Variants in NLRP14 observed in about 807,000 individuals in gnomAD.
NLRP14 encodes NLR family pyrin domain containing 14, also known as NACHT, LRR and PYD domains-containing protein 14.
In NLRP14, 105 loss-of-function variants were observed where a neutral mutation model predicts 94.7. The ratio of observed to expected loss-of-function variants is 1.11; its 90% CI spans 0.95 to 1.30. The LOEUF is 1.30. Ranked by LOEUF, NLRP14 falls within the 50% of genes most tolerant of loss-of-function variation. The pLI is 0.00. For synonymous variants in NLRP14, 508 were observed against 459.9 expected, an observed-to-expected ratio of 1.10 and a Z score of -1.34; for missense variants, 1,362 against 1,254.1, an observed-to-expected ratio of 1.09 and a Z score of -1.30.
At chr11:7,055,039 A>G (rs1852498563) in intron 6 of NLRP14, among the ~76,000 whole-genome samples, 1 of 152,176 alleles carries the variant, frequency 6.6e-6, no homozygotes, top group Non-Finnish European at 1.5e-5. Context: ...CAGTTTTCCC[A>G]GCACCATTTA....
At chr11:7,089,598 C>A in the NLRP14 span, 4 of 1,187,992 alleles carry the variant, frequency 3.4e-6, no homozygotes, top group Non-Finnish European at 4.2e-6. Context: ...GGTCGGCCCA[C>A]CCCCCAAGAG....
chr11:7,076,975 G>A, the NLRP14 span, among the ~76,000 whole-genome samples: 2 of 152,216 alleles, frequency 1.3e-5, no homozygotes, highest in Non-Finnish European at 2.9e-5. Context: ...ACTCGGTGAA[G>A]ATAGGTGATC....
At position 7,043,145 on chromosome 11, in the gene NLRP14, G is replaced by T. The variant is rs756470257; in HGVS notation, c.1119G>T (p.Trp373Cys). Residue 373 changes from tryptophan (W) to cysteine (C), a missense_variant, in exon 4 of 12, where the codon TGG becomes TGT. Trp to Cys is a radical substitution (Grantham distance 215). Transcript: ENST00000299481. The part of the protein sequence containing the change: ...FSMCQVPLVC[W>C]AACTCLKQQM... ...TGTGCCAAGTCCCCCTAGTGTGCTG[G>T]GCCGCTTGTACTTGTCTGAAGCAGC... 64 of 1,613,968 alleles carry T rather than the reference G, an allele frequency of 4.0e-5. No homozygotes were observed. The highest frequency in any genetic ancestry group is 5.3e-5 in the Non-Finnish European group (63 of 1,180,026).
intron 4 of NLRP14, 142 bp from the exon 5 acceptor site, chr11:7,046,526 G>A: frequency 1.3e-6 from 1 of 754,308 alleles, no homozygotes; most frequent in South Asian, 1.5e-5. Context: ...CTTCCTGGTG[G>A]ACTGTGCCCA....
At chr11:7,080,406 A>G in the NLRP14 span, among the ~76,000 whole-genome samples, 1 of 152,246 alleles carries the variant, frequency 6.6e-6, no homozygotes, top group African/African-American at 2.4e-5. Flanking sequence ...TCAATAATTC[A>G]TTACAACCAT....
chr11:7,071,115 A>G, intron 11 of NLRP14, 58 bp from the exon 12 acceptor site: 7 of 1,594,272 alleles, frequency 4.4e-6, no homozygotes, highest in Non-Finnish European at 6.0e-6. Flanking sequence ...TTACAGAGAA[A>G]GTGGAGGGCT....
At chr11:7,048,028 G>T (rs1316178129) in intron 5 of NLRP14, among the ~76,000 whole-genome samples, 2 of 151,960 alleles carry the variant, frequency 1.3e-5, no homozygotes, top group African/African-American at 4.8e-5. Flanking sequence ...CCAAAGTGCT[G>T]GGATTACAGG....
chr11:7,087,443 C>T, the NLRP14 span, among the ~76,000 whole-genome samples: 1 of 152,198 alleles, frequency 6.6e-6, no homozygotes, highest in African/African-American at 2.4e-5. Context: ...CTGCAAACCT[C>T]AGTGTGGCTA....
intron 1 of NLRP14, among the ~76,000 whole-genome samples, chr11:7,031,654 C>T (rs1315618554): frequency 3.3e-5 from 5 of 152,274 alleles, no homozygotes; most frequent in East Asian, 1.9e-4. Context: ...GAGGCAAGCC[C>T]CTCGCCTCTC....
At chr11:7,029,240 A>G (rs951875193) in intron 1 of NLRP14, among the ~76,000 whole-genome samples, 1 of 152,212 alleles carries the variant, frequency 6.6e-6, no homozygotes, top group Non-Finnish European at 1.5e-5. Flanking sequence ...AGTTCTTTCA[A>G]TTTGGCAAAG....
chr11:7,062,218 T>C (rs1313086204), intron 9 of NLRP14, 115 bp from the exon 10 acceptor site: 6 of 860,852 alleles, frequency 7.0e-6, no homozygotes, highest in Non-Finnish European at 9.8e-6. Context: ...ATGTCCTGGA[T>C]TGTAGATAGA....
At chr11:7,070,634 G>A (rs1012455300) in intron 11 of NLRP14, among the ~76,000 whole-genome samples, 178 bp downstream of exon 11, 3 of 152,084 alleles carry the variant, frequency 2.0e-5, no homozygotes, top group African/African-American at 7.2e-5. Context: ...TAGCATAGTG[G>A]TTAAATATTG....
intron 1 of NLRP14, among the ~76,000 whole-genome samples, chr11:7,032,344 T>C (rs1160588649): frequency 1.3e-5 from 2 of 152,236 alleles, no homozygotes; most frequent in African/African-American, 4.8e-5. Flanking sequence ...GTGTGTGCTA[T>C]ATTTTTATAC....
At chr11:7,038,206 C>T (rs1027912356) in intron 1 of NLRP14, among the ~76,000 whole-genome samples, 2 of 152,114 alleles carry the variant, frequency 1.3e-5, no homozygotes, top group Non-Finnish European at 2.9e-5. Context: ...GATATATGAA[C>T]CCTATCTTAT....
At chr11:7,082,255 AT>A in the NLRP14 span, among the ~76,000 whole-genome samples, 1 of 152,006 alleles carries the variant, frequency 6.6e-6, no homozygotes, top group Non-Finnish European at 1.5e-5. Flanking sequence ...CTTTTAACTC[AT>A]TTTTTTTCCA....
chr11:7,068,363 T>G (rs1852739333), intron 10 of NLRP14, among the ~76,000 whole-genome samples: 1 of 152,210 alleles, frequency 6.6e-6, no homozygotes, highest in Non-Finnish European at 1.5e-5. Flanking sequence ...ACAACTTCCC[T>G]TCAAATGACT....
chr11:7,028,072 C>T (rs1442257307), intron 1 of NLRP14, among the ~76,000 whole-genome samples: 2 of 151,922 alleles, frequency 1.3e-5, no homozygotes, highest in African/African-American at 4.8e-5. Flanking sequence ...GAATGATCTT[C>T]CATGGCTTTA....
intron 8 of NLRP14, 49 bp downstream of exon 8, chr11:7,058,499 A>G: frequency 7.3e-7 from 1 of 1,372,090 alleles, no homozygotes; most frequent in Non-Finnish European, 1.0e-6. Context: ...ACATTTTGAA[A>G]TATGTTTAAA....
chr11:7,060,593 T>C (rs1852602546), intron 9 of NLRP14, among the ~76,000 whole-genome samples: 1 of 152,036 alleles, frequency 6.6e-6, no homozygotes, highest in Admixed American at 6.6e-5. Context: ...GCTCTACTAG[T>C]TTTTCTTTTA....
Sources: allele counts gnomAD v4.1 joint callset (sites outside exome capture counted in the v4.1 genomes callset), GRCh38; gene constraint gnomAD v4.1.1; transcripts MANE v1.5; gene names NCBI Gene and HGNC (gene_info 2026-07-23, HGNC 2026-07-21).